DRC8: variants seen among roughly 807,000 people sequenced by gnomAD.
The protein encoded by DRC8 is dynein regulatory complex subunit 8, also known as dynein regulatory complex protein 8.
the DRC8 span, among the ~76,000 whole-genome samples, chr1:245,092,954 G>A: frequency 3.3e-5 from 5 of 152,234 alleles, no homozygotes; most frequent in South Asian, 2.1e-4. Context: ...AACACTTTTC[G>A]GGGCTGGTGT....
At chr1:245,046,215 CTTT>C in the DRC8 span, among the ~76,000 whole-genome samples, 3 of 151,978 alleles carry the variant, frequency 2.0e-5, no homozygotes, top group Non-Finnish European at 4.4e-5. Context: ...TTCTAAACTT[CTTT>C]CTTTTATTTT....
the DRC8 span, among the ~76,000 whole-genome samples, chr1:245,115,390 A>T: frequency 6.6e-6 from 1 of 152,208 alleles, no homozygotes; most frequent in Non-Finnish European, 1.5e-5. Context: ...CTCTTTAGCA[A>T]TGGGGAGGGA....
At chr1:245,115,424 A>G in the DRC8 span, among the ~76,000 whole-genome samples, 2 of 152,238 alleles carry the variant, frequency 1.3e-5, no homozygotes, top group Non-Finnish European at 2.9e-5. Flanking sequence ...CTGGATCTTC[A>G]GGAGTGGCTG....
chr1:245,084,076 G>T, the DRC8 span, among the ~76,000 whole-genome samples: 1 of 52,034 alleles, frequency 1.9e-5, no homozygotes, highest in East Asian at 3.2e-4. Flanking sequence ...CCCCCCCGGC[G>T]CCCCGGCTTT....
At chr1:245,075,100 A>G in the DRC8 span, among the ~76,000 whole-genome samples, 4 of 152,208 alleles carry the variant, frequency 2.6e-5, no homozygotes, top group Non-Finnish European at 4.4e-5. Flanking sequence ...CTGGGGAGAA[A>G]GGAATTTTCA....
chr1:245,087,192 A>G, the DRC8 span: 1 of 1,585,988 alleles, frequency 6.3e-7, no homozygotes, highest in South Asian at 1.2e-5. Flanking sequence ...TAGTGGAAAG[A>G]GAAAAAAATC....
the DRC8 span, among the ~76,000 whole-genome samples, chr1:244,971,426 A>ATTACGTTTATTTGCAAGACCGTTCATG: frequency 1.3e-5 from 2 of 152,168 alleles, no homozygotes; most frequent in Non-Finnish European, 2.9e-5. Context: ...CCAAAAAGTG[A>ATTACGTTTATTTGCAAGACCGTTCATG]TTACGTTTAT....
the DRC8 span, among the ~76,000 whole-genome samples, chr1:245,097,073 G>A: frequency 6.6e-6 from 1 of 152,148 alleles, no homozygotes; most frequent in African/African-American, 2.4e-5. The surrounding 1 kb of genome is among the most constrained non-coding windows in gnomAD (Gnocchi z 5.0). Context: ...ATATAACGAG[G>A]TTGGGTACAG....
the DRC8 span, among the ~76,000 whole-genome samples, chr1:245,043,381 C>T: frequency 6.6e-6 from 1 of 150,976 alleles, no homozygotes; most frequent in Non-Finnish European, 1.5e-5. Context: ...TGCAGTGAGC[C>T]GAGATTATGC....
the DRC8 span, among the ~76,000 whole-genome samples, chr1:244,973,092 T>G: frequency 3.3e-5 from 5 of 152,214 alleles, no homozygotes; most frequent in Admixed American, 6.5e-5. Context: ...GATTAAGTTT[T>G]GAGGATTCAC....
chr1:245,032,603 A>T, the DRC8 span, among the ~76,000 whole-genome samples: 2 of 152,202 alleles, frequency 1.3e-5, no homozygotes, highest in Non-Finnish European at 2.9e-5. Context: ...TAAGTTATAA[A>T]CTTACTGATG....
the DRC8 span, among the ~76,000 whole-genome samples, chr1:245,082,659 A>C: frequency 1.3e-5 from 2 of 152,084 alleles, no homozygotes; most frequent in East Asian, 3.9e-4. Context: ...CAATGAGGCA[A>C]GTATTATCAT....
the DRC8 span, among the ~76,000 whole-genome samples, chr1:245,100,106 C>T: frequency 2.0e-5 from 3 of 152,132 alleles, no homozygotes; most frequent in African/African-American, 4.8e-5. Context: ...ATGGTTTGGC[C>T]GGGCACGGTG....
At chr1:245,121,833 C>T in the DRC8 span, 1 of 413,250 alleles carries the variant, frequency 2.4e-6, no homozygotes, top group Non-Finnish European at 4.7e-6. Flanking sequence ...AGGCCTTAGG[C>T]TTGTCTTAGC....
chr1:245,097,238 T>C, the DRC8 span, among the ~76,000 whole-genome samples: 6 of 152,122 alleles, frequency 3.9e-5, no homozygotes, highest in Non-Finnish European at 7.4e-5. This position sits in a 1 kb window ranked among gnomAD's most constrained non-coding sequence, Gnocchi z 5.0. Flanking sequence ...TCTAGTAAAC[T>C]GGTCGGGTGT....
chr1:245,104,374 CAT>C, the DRC8 span, among the ~76,000 whole-genome samples: 2 of 151,978 alleles, frequency 1.3e-5, no homozygotes, highest in Non-Finnish European at 2.9e-5. Flanking sequence ...TGTGGTGGCG[CAT>C]GCCTGTAATC....
chr1:245,067,183 G>A, the DRC8 span, among the ~76,000 whole-genome samples: 3 of 152,028 alleles, frequency 2.0e-5, no homozygotes, highest in Admixed American at 2.0e-4. Context: ...TTGGAGTGCA[G>A]TGGCATGATC....
At chr1:245,113,834 G>A in the DRC8 span, among the ~76,000 whole-genome samples, 6 of 151,972 alleles carry the variant, frequency 3.9e-5, no homozygotes, top group Non-Finnish European at 5.9e-5. Context: ...AGTTTAGTTA[G>A]AAAAGCTGAC....
chr1:245,097,508 A>T, the DRC8 span, among the ~76,000 whole-genome samples: 4 of 151,892 alleles, frequency 2.6e-5, no homozygotes, highest in South Asian at 8.3e-4. This position sits in a 1 kb window ranked among gnomAD's most constrained non-coding sequence, Gnocchi z 5.0. Context: ...ACAAAGCAAG[A>T]TTCCCTCTCA....
Sources: allele counts gnomAD v4.1 joint callset (sites outside exome capture counted in the v4.1 genomes callset), GRCh38; gene constraint gnomAD v4.1.1; non-coding constraint Gnocchi (gnomAD v3.1); transcripts MANE v1.5; gene names NCBI Gene and HGNC (gene_info 2026-07-23, HGNC 2026-07-21).